Variants in TRPM7 observed in about 807,000 individuals in gnomAD.
TRPM7 encodes the protein transient receptor potential cation channel subfamily M member 7.
In TRPM7, 134 loss-of-function variants were observed where a neutral mutation model predicts 229.7. The observed-to-expected ratio is 0.58, with a 90% CI of 0.51 to 0.67. The LOEUF (loss-of-function observed/expected upper bound fraction) is 0.67, where lower values mean the gene tolerates loss of function less well. Ranked by LOEUF, TRPM7 falls within the 30% of genes least tolerant of loss-of-function variation. The pLI is 0.00. For synonymous variants in TRPM7, 699 were observed against 715.2 expected, an observed-to-expected ratio of 0.98 and a Z score of 0.36; for missense variants, 1,901 against 2,210.0, an observed-to-expected ratio of 0.86 and a Z score of 2.80.
At chr15:50,655,452 A>AC (rs2061537074) in intron 3 of TRPM7, among the ~76,000 whole-genome samples, 1 of 144,460 alleles carries the variant, frequency 6.9e-6, no homozygotes, top group South Asian at 2.1e-4. Context: ...AAAAAACAAA[A>AC]AAACAAAAAA....
intron 1 of TRPM7, among the ~76,000 whole-genome samples, chr15:50,678,256 A>C (rs1188159733): frequency 1.5e-5 from 2 of 133,644 alleles, no homozygotes; most frequent in Non-Finnish European, 3.5e-5. Flanking sequence ...AAAAAACAAA[A>C]ACAAAAACAA....
chr15:50,558,122 TA>T lies in TRPM7; in HGVS notation c.*3555del, dbSNP rs1416851702. On this transcript the variant is annotated 3_prime_UTR_variant, in exon 39 of 39. Transcript: ENST00000646667. ...GGGGATAAGAAATGTGGTTTACAAG[TA>T]AACTGTTACTTTCTAGACTTAACCC... 1.3e-5 allele frequency: 2 copies of T among 152,210 alleles called. No individual in the cohort carries two copies. The highest frequency in any genetic ancestry group is 6.5e-5 in the Admixed American group (1 of 15,278). 9.4% of individuals were successfully genotyped at this position (152,210 alleles called of 1,614,324 possible).
At chr15:50,585,386 C>T (rs3131595) in intron 28 of TRPM7, among the ~76,000 whole-genome samples, 72,729 of 151,844 alleles carry the variant, frequency 0.48, 17,622 homozygotes, top group Admixed American at 0.56. Flanking sequence ...ACTTGCTTTA[C>T]TGCTCTGGCT....
Position 50,686,692 on chromosome 15 carries a change from C to G in TRPM7, c.-159G>C. The G allele has an allele frequency of 1.1e-6, 1 of 933,076 alleles. No individual in the cohort carries two copies. Among genetic ancestry groups the G allele is most frequent in the Non-Finnish European group, 1.6e-6 (1 of 641,880 alleles). 57.8% of individuals were successfully genotyped at this position (933,076 alleles called of 1,614,324 possible). On this transcript the variant is annotated 5_prime_UTR_variant, in exon 1 of 39. Coordinates refer to ENST00000646667, the MANE Select transcript of TRPM7 (RefSeq NM_017672.6). The stretch of plus-strand genomic sequence containing the variant: ...TCTCAGAACTAACTCAGCTCCGGCG[C>G]TAGCAGCAGAAGCCGAGTCTTTCAT...
At chr15:50,616,720 G>A (rs1375022516) in intron 13 of TRPM7, among the ~76,000 whole-genome samples, 11 of 150,678 alleles carry the variant, frequency 7.3e-5, no homozygotes, top group Admixed American at 7.3e-4. Flanking sequence ...TTGCTCTGTT[G>A]TCCAGGCTGG....
intron 11 of TRPM7, among the ~76,000 whole-genome samples, chr15:50,627,865 G>A (rs1299687439): frequency 6.6e-6 from 1 of 152,132 alleles, no homozygotes; most frequent in Non-Finnish European, 1.5e-5. Context: ...AAACATCAGG[G>A]GGAATGCTAG....
intron 38 of TRPM7, among the ~76,000 whole-genome samples, chr15:50,568,201 C>G (rs2053703816): frequency 1.4e-5 from 2 of 146,944 alleles, no homozygotes; most frequent in African/African-American, 5.0e-5. Flanking sequence ...TTAACATCAT[C>G]TTAATGGTGA....
At chr15:50,598,091 C>T (rs2059679458) in intron 22 of TRPM7, among the ~76,000 whole-genome samples, 1 of 152,124 alleles carries the variant, frequency 6.6e-6, no homozygotes, top group South Asian at 2.1e-4. Context: ...TAACCACAAT[C>T]CTCTCACTAC....
intron 27 of TRPM7, among the ~76,000 whole-genome samples, chr15:50,589,150 C>A (rs1474262861): frequency 6.6e-6 from 1 of 152,016 alleles, no homozygotes; most frequent in Non-Finnish European, 1.5e-5. Context: ...GGTAAAACCT[C>A]ATCTCTACTA....
rs199633779 is a variant in TRPM7 at position 50,600,093 on chromosome 15, A to G, written c.2989-797T>C. Among the ~76,000 whole-genome samples, 12 of 152,354 alleles carry G rather than the reference A, an allele frequency of 7.9e-5. No homozygotes were observed. In the East Asian group the frequency reaches 1.9e-3, roughly 24 times the overall value. On this transcript the variant is annotated intron_variant, in intron 21 of 38. Transcript: ENST00000646667. ...ACCTCCCATCTACTTATTTAGGTAT[A>G]TAAGTTCTCCAGCCTGCACTACTTA...
chr15:50,632,594 G>C (rs74783040), intron 9 of TRPM7, among the ~76,000 whole-genome samples: 4,536 of 152,150 alleles, frequency 0.03, 247 homozygotes, highest in African/African-American at 0.1. Flanking sequence ...CCTTGGTACT[G>C]AACATTATCT....
In TRPM7 at chr15:50,599,213, A is replaced by G; in HGVS notation, c.3072T>C (p.Pro1024=). The G allele has an allele frequency of 6.2e-7, 1 of 1,613,080 alleles. No homozygotes were observed. The highest frequency in any genetic ancestry group is 8.5e-7 in the Non-Finnish European group (1 of 1,179,178). ...CAAGAGTCCAAGATGGTGCTTCATG[A>G]GGATAAAGTATTGCCTTTCTGGGAA... The part of the protein sequence containing the change: ...FGVPRKAILY[P]HEAPSWTLAK... The change falls in exon 22 of 39, where the codon CCT becomes CCC. Residue 1024 remains proline (P), a synonymous_variant. Transcript: ENST00000646667.
chr15:50,644,177 C>T (rs533099491), intron 4 of TRPM7, among the ~76,000 whole-genome samples: 13 of 152,096 alleles, frequency 8.5e-5, no homozygotes, highest in Admixed American at 1.3e-4. Flanking sequence ...TCATGGTGTT[C>T]GGATGGATTC....
intron 20 of TRPM7, among the ~76,000 whole-genome samples, chr15:50,606,455 C>T (rs118136423): frequency 0.026 from 3,969 of 152,114 alleles, 77 homozygotes; most frequent in Non-Finnish European, 0.042. Flanking sequence ...ATAAATATTA[C>T]GAAAAAGATT....
At chr15:50,567,256 C>T (rs1343070164) in intron 38 of TRPM7, among the ~76,000 whole-genome samples, 1 of 151,750 alleles carries the variant, frequency 6.6e-6, no homozygotes, top group Admixed American at 6.6e-5. Flanking sequence ...ATACATGTGC[C>T]ATGTTGGTGT....
rs2061213637 is a variant in TRPM7 at position 50,644,819 on chromosome 15, A to AAAAG, written c.322-1270_322-1267dup. 3.4e-5 allele frequency among the ~76,000 whole-genome samples: 5 copies of AAAAG among 147,682 alleles called. No individual in the cohort carries two copies. The South Asian group carries it at 1.1e-3, about 32-fold the overall frequency. ...TCTCAAAAAAAAAAAAAAAAAAAAA[A>AAAAG]AAAGAAATGAAGCCCAAAAAACCCC... On this transcript the variant is annotated intron_variant, in intron 4 of 38. Coordinates refer to ENST00000646667, the MANE Select transcript of TRPM7 (RefSeq NM_017672.6).
At chr15:50,581,486 G>C (rs1181937175) in intron 29 of TRPM7, among the ~76,000 whole-genome samples, 3 of 147,744 alleles carry the variant, frequency 2.0e-5, no homozygotes, top group Non-Finnish European at 4.5e-5. Flanking sequence ...GCGACAGAGC[G>C]AGACTCCATC....
chr15:50,615,725 A>G (rs976167889), intron 13 of TRPM7, among the ~76,000 whole-genome samples: 2 of 151,916 alleles, frequency 1.3e-5, no homozygotes, highest in African/African-American at 2.4e-5. Context: ...GAGAATCCCC[A>G]TCTCTACTAA....
Position 50,680,597 on chromosome 15 carries a change from C to T in TRPM7, c.3+5934G>A, listed in dbSNP as rs377713435. Among the ~76,000 whole-genome samples, 5 of 150,930 alleles carry T rather than the reference C, an allele frequency of 3.3e-5. No homozygotes were observed. The East Asian group carries it at 7.8e-4, about 23-fold the overall frequency. ...AAAAAAAAAAACAAAAACCAGACAA[C>T]TGAGTTGTAAATTATCTGTCCTAAG... On this transcript the variant is annotated intron_variant, in intron 1 of 38. Transcript: ENST00000646667.
Sources: gnomAD v4.1 joint callset for allele counts (sites outside exome capture counted in the v4.1 genomes callset) on GRCh38, gnomAD v4.1.1 for gene constraint, MANE v1.5 for transcripts, NCBI Gene and HGNC (gene_info 2026-07-23, HGNC 2026-07-21) for gene names.